The following PICALM variants were observed in gnomAD, a reference collection of about 807,000 sequenced individuals.
The protein encoded by PICALM is phosphatidylinositol-binding clathrin assembly protein.
PICALM carries 40 observed loss-of-function variants against 80.5 expected under a neutral mutation model. That is an observed-to-expected ratio of 0.50 (90% confidence interval 0.39 to 0.65). The LOEUF is 0.65. PICALM is among the 30% of genes least tolerant of loss of function. PICALM has a pLI of 0.00. For missense variants in PICALM, 676 were observed against 778.9 expected, an observed-to-expected ratio of 0.87 and a Z score of 1.57; for synonymous variants, 288 against 260.3, an observed-to-expected ratio of 1.11 and a Z score of -1.02.
intron 19 of PICALM, among the ~76,000 whole-genome samples, chr11:85,967,901 C>T (rs1217903428): frequency 1.3e-5 from 2 of 151,958 alleles, no homozygotes. Flanking sequence ...CTTTCAGACA[C>T]TTAACTGATG....
intron 19 of PICALM, among the ~76,000 whole-genome samples, chr11:85,962,095 G>A (rs1400165800): frequency 2.0e-5 from 3 of 152,084 alleles, no homozygotes; most frequent in Non-Finnish European, 4.4e-5. Flanking sequence ...ATGGAATCAC[G>A]CAGGCAGCTA....
chr11:86,055,203 G>A (rs1167018628), intron 1 of PICALM, among the ~76,000 whole-genome samples: 2 of 151,810 alleles, frequency 1.3e-5, no homozygotes, highest in African/African-American at 2.4e-5. Context: ...GGTGGCACAC[G>A]TCTGTAATCC....
At chr11:85,962,668 GT>G (rs1348159469) in intron 19 of PICALM, among the ~76,000 whole-genome samples, 2 of 152,170 alleles carry the variant, frequency 1.3e-5, no homozygotes, top group African/African-American at 4.8e-5. Context: ...TCTTAAATTG[GT>G]AAAACACATA....
intron 3 of PICALM, 59 bp downstream of exon 3, chr11:86,026,233 A>G (rs1266265206): frequency 2.3e-6 from 2 of 882,108 alleles, no homozygotes; most frequent in Admixed American, 3.8e-5. Flanking sequence ...TCTACTCTGG[A>G]GTAATCATCA....
rs565885365 is a variant in PICALM, at chr11:85,988,496, G to A, written c.1408+1754C>T. On this transcript the variant is annotated intron_variant, in intron 13 of 19. Transcript: ENST00000393346. ...TCTAGCTCCAAATGAGCTGGCTACA[G>A]TAGAAGAAACAAGGCACATAAAGGA... Among the ~76,000 whole-genome samples the A allele has an allele frequency of 1.0e-3, 154 of 152,212 alleles. 1 individual carries two copies. Among genetic ancestry groups the A allele is most frequent in the Non-Finnish European group, 1.7e-3 (116 of 68,022 alleles).
chr11:86,033,529 T>G (rs2095795594), intron 1 of PICALM, among the ~76,000 whole-genome samples: 1 of 152,186 alleles, frequency 6.6e-6, no homozygotes, highest in African/African-American at 2.4e-5. Flanking sequence ...AGCTATTTGC[T>G]AAAGTGTCAC....
chr11:85,967,892 T>C (rs1284259473), intron 19 of PICALM, among the ~76,000 whole-genome samples: 2 of 152,230 alleles, frequency 1.3e-5, no homozygotes, highest in African/African-American at 4.8e-5. Flanking sequence ...CATCATTTCC[T>C]TTCAGACACT....
At chr11:86,005,798 A>C (rs1355045640) in intron 8 of PICALM, among the ~76,000 whole-genome samples, 2 of 152,002 alleles carry the variant, frequency 1.3e-5, no homozygotes, top group Non-Finnish European at 2.9e-5. Context: ...AAGAGTAAAT[A>C]ATCTCAAATT....
intron 4 of PICALM, among the ~76,000 whole-genome samples, chr11:86,016,861 G>C (rs1249988536): frequency 6.6e-6 from 1 of 152,068 alleles, no homozygotes; most frequent in Non-Finnish European, 1.5e-5. Flanking sequence ...ATTTCATTCT[G>C]GAACAGAAAA....
chr11:86,056,338 A>T (rs1001172776), intron 1 of PICALM, among the ~76,000 whole-genome samples: 3 of 150,532 alleles, frequency 2.0e-5, no homozygotes, highest in Non-Finnish European at 2.9e-5. Context: ...AAATTTTAAA[A>T]CAGGCAAAAG....
intron 4 of PICALM, among the ~76,000 whole-genome samples, chr11:86,017,983 T>C (rs569970611): frequency 1.3e-5 from 2 of 152,318 alleles, no homozygotes; most frequent in East Asian, 3.9e-4. Flanking sequence ...CTGAGTAAAG[T>C]ATACAGAAGT....
intron 19 of PICALM, 33 bp downstream of exon 19, chr11:85,974,675 C>T (rs1427095945): frequency 7.4e-7 from 1 of 1,350,154 alleles, no homozygotes; most frequent in Non-Finnish European, 1.1e-6. Flanking sequence ...CCAAATCAAA[C>T]ACATTACCAC....
chr11:86,046,332 T>C (rs893480234), intron 1 of PICALM, among the ~76,000 whole-genome samples: 7 of 152,340 alleles, frequency 4.6e-5, no homozygotes, highest in African/African-American at 1.2e-4. Flanking sequence ...TGATTCACCA[T>C]TGTGATTTCA....
intron 7 of PICALM, among the ~76,000 whole-genome samples, chr11:86,010,824 A>AC (rs2095381479): frequency 1.3e-5 from 2 of 152,214 alleles, no homozygotes; most frequent in African/African-American, 4.8e-5. Flanking sequence ...ACTTTTCAAT[A>AC]CTCGCTATTG....
intron 19 of PICALM, among the ~76,000 whole-genome samples, chr11:85,967,095 G>GT (rs151216209): frequency 0.029 from 4,425 of 152,226 alleles, 224 homozygotes; most frequent in African/African-American, 0.1. Context: ...CAAGGCTGGT[G>GT]TTTTTTTCCT....
At chr11:86,028,125 T>G (rs1432419568) in intron 2 of PICALM, among the ~76,000 whole-genome samples, 1 of 152,236 alleles carries the variant, frequency 6.6e-6, no homozygotes, top group Non-Finnish European at 1.5e-5. Flanking sequence ...GTTCATTATA[T>G]TTAGCTGCAA....
chr11:85,987,477 C>T (rs762508342), intron 13 of PICALM, among the ~76,000 whole-genome samples: 2 of 151,972 alleles, frequency 1.3e-5, no homozygotes, highest in Admixed American at 6.6e-5. Flanking sequence ...CTTTTCATTG[C>T]TAATATTAGA....
chr11:86,037,418 C>A (rs772978693), intron 1 of PICALM, among the ~76,000 whole-genome samples: 1 of 151,704 alleles, frequency 6.6e-6, no homozygotes, highest in Non-Finnish European at 1.5e-5. Context: ...TGCTACCACG[C>A]CCGGCTAATT....
intron 1 of PICALM, among the ~76,000 whole-genome samples, chr11:86,038,548 C>T (rs535164714): frequency 6.2e-4 from 93 of 151,136 alleles, no homozygotes; most frequent in Admixed American, 1.7e-3. Context: ...TTTGGGAGAC[C>T]GAGGCGGGTG....
Sources: gnomAD v4.1 joint callset for allele counts (sites outside exome capture counted in the v4.1 genomes callset) on GRCh38, gnomAD v4.1.1 for gene constraint, MANE v1.5 for transcripts, NCBI Gene and HGNC (gene_info 2026-07-23, HGNC 2026-07-21) for gene names.